The following ZAP70 variants were observed in gnomAD, a reference collection of about 807,000 sequenced individuals.
ZAP70 encodes the protein tyrosine-protein kinase ZAP-70.
A neutral mutation model predicts 65.8 loss-of-function variants in ZAP70; 27 were observed. The observed-to-expected ratio is 0.41, with a 90% CI of 0.30 to 0.57. ZAP70 has a LOEUF of 0.57. ZAP70 is among the 20% of genes least tolerant of loss of function. The pLI, the probability that ZAP70 is intolerant of heterozygous loss-of-function variation, is 0.28. For synonymous variants in ZAP70, 363 were observed against 360.8 expected, an observed-to-expected ratio of 1.01 and a Z score of -0.07; for missense variants, 696 against 870.5, an observed-to-expected ratio of 0.80 and a Z score of 2.52.
At position 97,724,162 on chromosome 2, in the gene ZAP70, G is replaced by C. The variant is rs750993253; in HGVS notation, c.126G>C (p.Ser42=). Residue 42 remains serine (S), a synonymous_variant, in exon 3 of 14, where the codon TCG becomes TCC. Transcript: ENST00000264972. ...TCCTGCTGCGCCAGTGCCTGCGCTCGCTGGGCGGCTATGTGCTGTCGCTCG... is the reference window on the plus strand; with the variant it reads ...TCCTGCTGCGCCAGTGCCTGCGCTCCCTGGGCGGCTATGTGCTGTCGCTCG... ...GLFLLRQCLR[S]LGGYVLSLVH... is the part of the protein sequence containing the mutation. The C allele has an allele frequency of 1.3e-6, 2 of 1,582,412 alleles. No individual in the cohort carries two copies. Among genetic ancestry groups the C allele is most frequent in the Admixed American group, 1.7e-5 (1 of 57,618 alleles).
Position 97,731,575 on chromosome 2 carries a change from C to T in ZAP70, c.564-1308C>T, listed in dbSNP as rs1049783721. ...CCCCACCCTTCACTGCACTGTACTTCGGGGAACGTGCTGTCCAGGAATGGA... is the reference window on the plus strand; with the variant it reads ...CCCCACCCTTCACTGCACTGTACTTTGGGGAACGTGCTGTCCAGGAATGGA... On this transcript the variant is annotated intron_variant, in intron 4 of 13. Coordinates refer to ENST00000264972, the MANE Select transcript of ZAP70 (RefSeq NM_001079.4). This position sits in a 1 kb window ranked among gnomAD's most constrained non-coding sequence, Gnocchi z 4.0. Among the ~76,000 whole-genome samples the T allele has an allele frequency of 3.3e-5, 5 of 152,140 alleles. No individual in the cohort carries two copies. Among genetic ancestry groups the T allele is most frequent in the African/African-American group, 4.8e-5 (2 of 41,410 alleles).
At position 97,737,614 on chromosome 2, in the gene ZAP70, C is replaced by A; in HGVS notation, c.1431C>A (p.Ile477=). Residue 477 remains isoleucine, a synonymous_variant, in exon 11 of 14, where the codon ATC becomes ATA. Transcript: ENST00000264972. This position sits in a 1 kb window ranked among gnomAD's most constrained non-coding sequence, Gnocchi z 5.0. ...VLLVNRHYAK[I]SDFGLSKALG... ...TGGTTAACCGGCACTACGCCAAGAT[C>A]AGCGACTTTGGCCTCTCCAAAGCAC... 1 of 1,614,142 alleles carries A rather than the reference C, an allele frequency of 6.2e-7. No homozygotes were observed. The highest frequency in any genetic ancestry group is 1.1e-5 in the South Asian group (1 of 91,078).
intron 4 of ZAP70, among the ~76,000 whole-genome samples, chr2:97,726,094 A>G (rs1028707370): frequency 3.4e-4 from 52 of 152,190 alleles, no homozygotes; most frequent in African/African-American, 9.7e-4. Flanking sequence ...GATTACATGA[A>G]TTAATACGTG....
In ZAP70 at chr2:97,715,856, C is replaced by T. The variant is rs955684317; in HGVS notation, c.-22+1862C>T. 3.3e-5 allele frequency among the ~76,000 whole-genome samples: 5 copies of T among 152,224 alleles called. No homozygotes were observed. The highest frequency in any genetic ancestry group is 1.2e-4 in the African/African-American group (5 of 41,454). On this transcript the variant is annotated intron_variant, in intron 2 of 13. Coordinates refer to ENST00000264972, the MANE Select transcript of ZAP70 (RefSeq NM_001079.4). This position sits in a 1 kb window ranked among gnomAD's most constrained non-coding sequence, Gnocchi z 4.1. ...GGTAGTGCAGTCCCCAGCACAGAGG[C>T]TGTTGTGATTGTCCTTACACACTTG...
chr2:97,753,884 G>A, the ZAP70 span, among the ~76,000 whole-genome samples: 7 of 152,188 alleles, frequency 4.6e-5, no homozygotes, highest in African/African-American at 1.4e-4. Context: ...AGCTACCTGG[G>A]AGACTGAGGT....
At chr2:97,751,726 G>T in the ZAP70 span, among the ~76,000 whole-genome samples, 1 of 152,210 alleles carries the variant, frequency 6.6e-6, no homozygotes, top group Non-Finnish European at 1.5e-5. Flanking sequence ...AGCAGCATTG[G>T]CTTCTGCTGA....
At chr2:97,724,463 G>C in intron 3 of ZAP70, 25 bp downstream of exon 3, 6 of 1,519,498 alleles carry the variant, frequency 3.9e-6, no homozygotes, top group Non-Finnish European at 3.5e-6. Context: ...TGGGGCGCGG[G>C]GTCTGGAGGG....
intron 2 of ZAP70, among the ~76,000 whole-genome samples, chr2:97,719,137 A>G (rs1677062299): frequency 6.6e-6 from 1 of 152,152 alleles, no homozygotes; most frequent in South Asian, 2.1e-4. Flanking sequence ...GCTCTGTGGA[A>G]ATAGACTGTG....
At chr2:97,746,223 G>A in the ZAP70 span, among the ~76,000 whole-genome samples, 4 of 152,274 alleles carry the variant, frequency 2.6e-5, no homozygotes, top group East Asian at 7.7e-4. Flanking sequence ...TGGGAATGAT[G>A]GAAAAGTTCG....
rs901178966 is a variant in ZAP70, at chr2:97,731,327, T to C, written c.564-1556T>C. The stretch of plus-strand genomic sequence containing the variant: ...CTTAACAGGAGCTTGTGCCAGTGAC[T>C]CAAAATAGAAATGTTTTGTGGGAGA... On this transcript the variant is annotated intron_variant, in intron 4 of 13. Coordinates refer to ENST00000264972, the MANE Select transcript of ZAP70 (RefSeq NM_001079.4). This position sits in a 1 kb window ranked among gnomAD's most constrained non-coding sequence, Gnocchi z 4.0. Among the ~76,000 whole-genome samples the C allele has an allele frequency of 5.9e-5, 9 of 151,754 alleles. No homozygotes were observed. Among genetic ancestry groups the C allele is most frequent in the Admixed American group, 5.9e-4 (9 of 15,234 alleles).
intron 4 of ZAP70, among the ~76,000 whole-genome samples, chr2:97,727,220 T>A (rs1315241930): frequency 1.3e-5 from 2 of 152,270 alleles, no homozygotes; most frequent in African/African-American, 4.8e-5. Context: ...AAAGTCACTG[T>A]AGGGAAGGGA....
At chr2:97,751,025 C>A in the ZAP70 span, among the ~76,000 whole-genome samples, 1 of 152,140 alleles carries the variant, frequency 6.6e-6, no homozygotes, top group Non-Finnish European at 1.5e-5. Flanking sequence ...GTTTTGGAAT[C>A]ATCTATGATA....
At chr2:97,746,324 AAT>A in the ZAP70 span, among the ~76,000 whole-genome samples, 2 of 152,206 alleles carry the variant, frequency 1.3e-5, no homozygotes, top group African/African-American at 4.8e-5. Context: ...AATATTATTA[AAT>A]ATGTTTTACT....
chr2:97,729,345 A>G (rs989004386), intron 4 of ZAP70, among the ~76,000 whole-genome samples: 2 of 152,198 alleles, frequency 1.3e-5, no homozygotes, highest in African/African-American at 4.8e-5. Flanking sequence ...CTAGGTAGCA[A>G]TTAACTGTAG....
the ZAP70 span, among the ~76,000 whole-genome samples, chr2:97,749,293 G>A: frequency 1.3e-5 from 2 of 152,212 alleles, no homozygotes; most frequent in African/African-American, 2.4e-5. Flanking sequence ...GCAGGCATGA[G>A]GCACCGCGCC....
intron 8 of ZAP70, 173 bp downstream of exon 8, chr2:97,733,768 C>T: frequency 1.3e-6 from 1 of 757,676 alleles, no homozygotes; most frequent in Non-Finnish European, 2.2e-6. Flanking sequence ...CCTGCCTGTG[C>T]ACATGTACGT....
chr2:97,735,569 C>A, intron 10 of ZAP70, 113 bp downstream of exon 10: 1 of 1,232,114 alleles, frequency 8.1e-7, no homozygotes, highest in Non-Finnish European at 1.1e-6. Context: ...ACTTCCACAC[C>A]ATCGTGGACA....
intron 13 of ZAP70, 39 bp downstream of exon 13, chr2:97,738,146 C>T: frequency 6.5e-7 from 1 of 1,533,652 alleles, no homozygotes; most frequent in Non-Finnish European, 8.9e-7. Flanking sequence ...TGGGCTGACC[C>T]CTGGAAAGTC....
At chr2:97,741,522 C>A (rs1239443660), downstream of ZAP70, among the ~76,000 whole-genome samples, 1 of 151,800 alleles carries the variant, frequency 6.6e-6, no homozygotes, top group Non-Finnish European at 1.5e-5. Flanking sequence ...AGGTGATGTC[C>A]CCGAGGAAAG....
Sources: gnomAD v4.1 joint callset for allele counts (sites outside exome capture counted in the v4.1 genomes callset) on GRCh38, gnomAD v4.1.1 for gene constraint, Gnocchi (gnomAD v3.1) non-coding constraint, MANE v1.5 for transcripts, NCBI Gene and HGNC (gene_info 2026-07-23, HGNC 2026-07-21) for gene names.